The following TPRG1 variants were observed in gnomAD, a reference collection of about 807,000 sequenced individuals.
The protein encoded by TPRG1 is tumor protein p63-regulated gene 1 protein.
Under a neutral mutation model 29.3 loss-of-function variants are expected in TPRG1, and 29 were observed. The observed-to-expected ratio is 0.99, with a 90% confidence interval of 0.74 to 1.35. TPRG1 has a LOEUF of 1.35. Ranked by LOEUF, TPRG1 falls within the 40% of genes most tolerant of loss-of-function variation. TPRG1 has a pLI of 0.00. For synonymous variants in TPRG1, 130 were observed against 116.8 expected, an observed-to-expected ratio of 1.11 and a Z score of -0.73; for missense variants, 327 against 335.0, an observed-to-expected ratio of 0.98 and a Z score of 0.19.
chr3:189,001,165 C>T (rs1712000587), intron 2 of TPRG1, among the ~76,000 whole-genome samples: 1 of 152,100 alleles, frequency 6.6e-6, no homozygotes, highest in South Asian at 2.1e-4. Context: ...CATCAAATCT[C>T]CCCAACCAGA....
At chr3:189,124,540 T>TTGTGTATGTGTGTG (rs75399094) in intron 1 of TPRG1, among the ~76,000 whole-genome samples, 6 of 149,962 alleles carry the variant, frequency 4.0e-5, no homozygotes, top group Admixed American at 4.0e-4. Context: ...ACAAAGGACT[T>TTGTGTATGTGTGTG]TGTGTGTGTG....
chr3:189,074,286 A>G (rs1716991380), intron 4 of TPRG1, among the ~76,000 whole-genome samples: 1 of 145,884 alleles, frequency 6.9e-6, no homozygotes. Context: ...GCTCATTGCA[A>G]GCTCTGCCTC....
At chr3:189,057,945 T>TC (rs1491433209) in intron 4 of TPRG1, among the ~76,000 whole-genome samples, 1 of 150,916 alleles carries the variant, frequency 6.6e-6, no homozygotes, top group Non-Finnish European at 1.5e-5. Context: ...AAGTATATAT[T>TC]GTGTGTATAT....
intron 4 of TPRG1, among the ~76,000 whole-genome samples, chr3:189,051,473 A>T (rs938732554): frequency 6.6e-6 from 1 of 152,198 alleles, no homozygotes; most frequent in Non-Finnish European, 1.5e-5. Flanking sequence ...AACACATTCC[A>T]TTCTCATGGA....
intron 2 of TPRG1, among the ~76,000 whole-genome samples, chr3:189,129,113 C>T (rs1045651526): frequency 6.6e-6 from 1 of 152,144 alleles, no homozygotes; most frequent in Non-Finnish European, 1.5e-5. Flanking sequence ...GGACTTTATA[C>T]ATATTTCATC....
chr3:189,259,063 G>C (rs1579076184), intron 4 of TPRG1, among the ~76,000 whole-genome samples: 1 of 152,184 alleles, frequency 6.6e-6, no homozygotes, highest in East Asian at 1.9e-4. Flanking sequence ...AACTCCTGCA[G>C]CTAGCTTGGT....
intron 4 of TPRG1, among the ~76,000 whole-genome samples, chr3:189,087,066 C>A (rs550074001): frequency 6.6e-6 from 1 of 152,274 alleles, no homozygotes; most frequent in African/African-American, 2.4e-5. Context: ...GTTCTAGATC[C>A]TTGAGGAATC....
At chr3:189,232,420 G>T (rs1186732686) in intron 3 of TPRG1, among the ~76,000 whole-genome samples, 1 of 152,140 alleles carries the variant, frequency 6.6e-6, no homozygotes, top group African/African-American at 2.4e-5. Context: ...CAAGGGCATC[G>T]AATAGATACA....
rs572886495 is a variant in TPRG1, at chr3:189,090,868, G to C, written c.-462-36189G>C. ...TAGGGAAATTTATTCCAAAGTCTTT[G>C]CTTTGATTAATGACGTTTTGCAATT... On this transcript the variant is annotated intron_variant, in intron 4 of 10. Transcript: ENST00000433971. 3.3e-5 allele frequency among the ~76,000 whole-genome samples: 5 copies of C among 152,020 alleles called. No individual in the cohort carries two copies. In the South Asian group the frequency reaches 1.0e-3, roughly 32 times the overall value.
At chr3:189,007,283 A>C (rs1456633294) in intron 3 of TPRG1, among the ~76,000 whole-genome samples, 1 of 151,642 alleles carries the variant, frequency 6.6e-6, no homozygotes, top group African/African-American at 2.4e-5. Flanking sequence ...GCAGCCAAAA[A>C]ACACATGAAA....
chr3:189,085,897 A>ATC (rs1239054434), intron 4 of TPRG1, among the ~76,000 whole-genome samples: 2 of 152,210 alleles, frequency 1.3e-5, no homozygotes, highest in African/African-American at 2.4e-5. Flanking sequence ...TAAGTGTTCA[A>ATC]TCACTGTATT....
At chr3:189,113,655 T>C (rs964013110) in intron 1 of TPRG1, among the ~76,000 whole-genome samples, 9 of 152,176 alleles carry the variant, frequency 5.9e-5, no homozygotes, top group East Asian at 1.9e-4. Context: ...TTGTCTTTGG[T>C]TCTGTTTATA....
chr3:189,083,422 C>T (rs933146386), intron 4 of TPRG1, among the ~76,000 whole-genome samples: 6 of 152,202 alleles, frequency 3.9e-5, no homozygotes, highest in East Asian at 3.8e-4. Flanking sequence ...TCTATCTGAT[C>T]GACTGGTCCT....
chr3:189,286,482 T>G (rs1718076676), intron 4 of TPRG1, among the ~76,000 whole-genome samples: 1 of 152,090 alleles, frequency 6.6e-6, no homozygotes, highest in Non-Finnish European at 1.5e-5. Flanking sequence ...TGAAGGCAAT[T>G]AAGTGAATGC....
At chr3:189,077,721 T>G (rs1717275486) in intron 4 of TPRG1, among the ~76,000 whole-genome samples, 1 of 152,210 alleles carries the variant, frequency 6.6e-6, no homozygotes, top group Non-Finnish European at 1.5e-5. Context: ...ATATTCACAC[T>G]TCACACCTTT....
chr3:189,041,890 T>C (rs559221915), intron 4 of TPRG1, among the ~76,000 whole-genome samples: 1 of 152,288 alleles, frequency 6.6e-6, no homozygotes, highest in African/African-American at 2.4e-5. Context: ...AATATACAAC[T>C]AGACACTGCC....
intron 4 of TPRG1, among the ~76,000 whole-genome samples, chr3:189,064,283 A>G (rs1487739495): frequency 6.6e-6 from 1 of 152,158 alleles, no homozygotes; most frequent in African/African-American, 2.4e-5. Flanking sequence ...CAAGGTCCCA[A>G]GTGTTTAAAG....
chr3:189,196,544 C>A (rs1732557542), intron 1 of TPRG1, among the ~76,000 whole-genome samples: 1 of 152,080 alleles, frequency 6.6e-6, no homozygotes, highest in Non-Finnish European at 1.5e-5. Context: ...TGCAGGGAAA[C>A]TCCCCTTTAT....
At chr3:189,221,559 G>A (rs576265290) in intron 3 of TPRG1, among the ~76,000 whole-genome samples, 1 of 152,358 alleles carries the variant, frequency 6.6e-6, no homozygotes, top group Non-Finnish European at 1.5e-5. Context: ...GGTGCCGTAA[G>A]TGGAAGTGTG....
Sources: gnomAD v4.1 joint callset for allele counts (sites outside exome capture counted in the v4.1 genomes callset) on GRCh38, gnomAD v4.1.1 for gene constraint, MANE v1.5 for transcripts, NCBI Gene and HGNC (gene_info 2026-07-23, HGNC 2026-07-21) for gene names.